Variants in MATCAP2 observed in about 807,000 individuals in gnomAD.
MATCAP2 encodes putative tyrosine carboxypeptidase MATCAP2.
the MATCAP2 span, among the ~76,000 whole-genome samples, chr7:36,329,058 A>T: frequency 6.6e-6 from 1 of 152,160 alleles, no homozygotes; most frequent in Non-Finnish European, 1.5e-5. Flanking sequence ...AAATAAATAA[A>T]TAAATAAAAT....
the MATCAP2 span, among the ~76,000 whole-genome samples, chr7:36,381,943 C>A: frequency 6.6e-6 from 1 of 152,110 alleles, no homozygotes; most frequent in Non-Finnish European, 1.5e-5. Flanking sequence ...TCACTAAATT[C>A]ATGACAGACA....
At chr7:36,345,065 A>C in the MATCAP2 span, among the ~76,000 whole-genome samples, 1 of 152,220 alleles carries the variant, frequency 6.6e-6, no homozygotes, top group Non-Finnish European at 1.5e-5. Flanking sequence ...CTTAAAATGT[A>C]CTTGGCCAAC....
At chr7:36,384,284 T>G in the MATCAP2 span, among the ~76,000 whole-genome samples, 1 of 152,214 alleles carries the variant, frequency 6.6e-6, no homozygotes, top group African/African-American at 2.4e-5. Flanking sequence ...TTCAGACTCT[T>G]GGTTCTATTC....
the MATCAP2 span, chr7:36,334,166 G>A: frequency 1.9e-6 from 3 of 1,579,714 alleles, no homozygotes; most frequent in East Asian, 2.3e-5. Flanking sequence ...GTGTACCTAT[G>A]GAGAAGAAAA....
chr7:36,326,724 G>A, the MATCAP2 span: 1 of 1,567,626 alleles, frequency 6.4e-7, no homozygotes, highest in Non-Finnish European at 8.7e-7. Context: ...TATACATGGA[G>A]GCATAGCTTA....
chr7:36,326,818 A>C, the MATCAP2 span: 1 of 1,614,090 alleles, frequency 6.2e-7, no homozygotes, highest in Non-Finnish European at 8.5e-7. Flanking sequence ...GATCTTCTCT[A>C]AGTGTTCCAT....
chr7:36,354,249 C>T, the MATCAP2 span, among the ~76,000 whole-genome samples: 1 of 152,184 alleles, frequency 6.6e-6, no homozygotes, highest in African/African-American at 2.4e-5. Context: ...TGAGTGCCTC[C>T]CTAGGGACAT....
chr7:36,371,865 T>G, the MATCAP2 span, among the ~76,000 whole-genome samples: 1 of 152,080 alleles, frequency 6.6e-6, no homozygotes, highest in African/African-American at 2.4e-5. Context: ...CACCCTGGCC[T>G]TCCAAGTAGC....
the MATCAP2 span, among the ~76,000 whole-genome samples, chr7:36,370,449 T>C: frequency 6.6e-6 from 1 of 152,214 alleles, no homozygotes; most frequent in African/African-American, 2.4e-5. Flanking sequence ...TAGGAATTTG[T>C]TAAAACTGCT....
chr7:36,347,730 T>C, the MATCAP2 span, among the ~76,000 whole-genome samples: 3 of 152,218 alleles, frequency 2.0e-5, no homozygotes, highest in Non-Finnish European at 2.9e-5. Context: ...TTTAAGGTAA[T>C]TGGTTTGCCC....
At chr7:36,367,437 T>C in the MATCAP2 span, among the ~76,000 whole-genome samples, 1 of 151,972 alleles carries the variant, frequency 6.6e-6, no homozygotes, top group South Asian at 2.1e-4. Flanking sequence ...GGGTAACGCA[T>C]ATTGACTGAT....
the MATCAP2 span, among the ~76,000 whole-genome samples, chr7:36,362,276 G>A: frequency 3.9e-4 from 60 of 152,292 alleles, no homozygotes; most frequent in African/African-American, 1.4e-3. Context: ...TCGACTGTAT[G>A]AAAATGAGAC....
the MATCAP2 span, among the ~76,000 whole-genome samples, chr7:36,338,884 T>A: frequency 2.3e-3 from 354 of 152,376 alleles, 1 homozygote; most frequent in African/African-American, 8.2e-3. Context: ...ATAACTTAAC[T>A]CTTTCAATCA....
chr7:36,373,439 G>A, the MATCAP2 span, among the ~76,000 whole-genome samples: 3,117 of 152,188 alleles, frequency 0.02, 51 homozygotes, highest in Middle Eastern at 0.051. Flanking sequence ...GGGGACAAGC[G>A]ATCTAGGCAA....
the MATCAP2 span, among the ~76,000 whole-genome samples, chr7:36,343,099 A>C: frequency 1.3e-5 from 2 of 152,008 alleles, no homozygotes; most frequent in African/African-American, 4.8e-5. Flanking sequence ...AATATGAATA[A>C]TTTAAAATGG....
At chr7:36,346,164 G>C in the MATCAP2 span, among the ~76,000 whole-genome samples, 3 of 152,080 alleles carry the variant, frequency 2.0e-5, no homozygotes, top group Non-Finnish European at 4.4e-5. Context: ...GGAGAAACTG[G>C]AACGCTCACA....
the MATCAP2 span, chr7:36,390,147 CGTGTGTGCGCGCGTGCGCA>C: frequency 1.9e-4 from 305 of 1,587,806 alleles, no homozygotes; most frequent in Middle Eastern, 9.1e-4. Flanking sequence ...GCGGAGGGCG[CGTGTGTGCGCGCGTGCGCA>C]GTGTGTGCGG....
the MATCAP2 span, among the ~76,000 whole-genome samples, chr7:36,353,385 T>C: frequency 6.6e-6 from 1 of 152,188 alleles, no homozygotes; most frequent in Non-Finnish European, 1.5e-5. Context: ...CAGCTGTTTT[T>C]TGTTGGCAAA....
the MATCAP2 span, among the ~76,000 whole-genome samples, chr7:36,385,522 C>A: frequency 6.6e-6 from 1 of 152,278 alleles, no homozygotes; most frequent in African/African-American, 2.4e-5. Context: ...TAGTGGCTTA[C>A]ACCTGTAATT....
Sources: gnomAD v4.1 joint callset for allele counts (sites outside exome capture counted in the v4.1 genomes callset) on GRCh38, gnomAD v4.1.1 for gene constraint, MANE v1.5 for transcripts, NCBI Gene and HGNC (gene_info 2026-07-23, HGNC 2026-07-21) for gene names.